The following GLIS3 variants were observed in gnomAD, a reference collection of about 807,000 sequenced individuals.
GLIS3 encodes the protein zinc finger protein GLIS3.
In GLIS3, 53 loss-of-function variants were observed where a neutral mutation model predicts 78.6. That is an observed-to-expected ratio of 0.67 (90% CI 0.54 to 0.85). GLIS3 has a LOEUF of 0.85. Among genes scored for constraint, GLIS3 ranks in the 40% least tolerant of loss-of-function variants. GLIS3 has a pLI of 0.00. For missense variants in GLIS3, 1,703 were observed against 1,231.1 expected (o/e 1.38, Z -5.74); for synonymous variants, 684 against 509.9 (o/e 1.34, Z -4.60).
intron 4 of GLIS3, among the ~76,000 whole-genome samples, chr9:3,965,188 C>CTTT (rs750454441): frequency 0.14 from 13,007 of 93,286 alleles, 1,575 homozygotes; most frequent in Non-Finnish European, 0.17. Flanking sequence ...TCTTTCTTTT[C>CTTT]TTTTCTTTTT....
At chr9:4,255,241 G>GAA (rs1824811029) in intron 2 of GLIS3, among the ~76,000 whole-genome samples, 1 of 152,180 alleles carries the variant, frequency 6.6e-6, no homozygotes, top group Non-Finnish European at 1.5e-5. Flanking sequence ...GGAGCAACAG[G>GAA]AACTCTCATT....
intron 4 of GLIS3, among the ~76,000 whole-genome samples, chr9:4,062,303 G>T (rs1490092120): frequency 6.6e-6 from 1 of 152,188 alleles, no homozygotes; most frequent in Non-Finnish European, 1.5e-5. Context: ...CCGACTGTCA[G>T]TTTCCCATAT....
the GLIS3 span, among the ~76,000 whole-genome samples, chr9:4,448,879 C>T: frequency 2.0e-5 from 3 of 152,190 alleles, no homozygotes; most frequent in Non-Finnish European, 2.9e-5. Flanking sequence ...GGAATAGCTC[C>T]AGTCTGCAGC....
At chr9:3,982,098 G>A (rs574265175) in intron 4 of GLIS3, among the ~76,000 whole-genome samples, 78 of 151,996 alleles carry the variant, frequency 5.1e-4, no homozygotes, top group African/African-American at 1.8e-3. Flanking sequence ...TTTCCACATA[G>A]TGCTATTGTA....
chr9:4,029,880 C>T (rs670007), intron 4 of GLIS3, among the ~76,000 whole-genome samples: 33,371 of 152,104 alleles, frequency 0.22, 5,104 homozygotes, highest in African/African-American at 0.44. Flanking sequence ...ATCTTAGCTA[C>T]TGTAAACAGT....
chr9:4,385,915 C>T, the GLIS3 span, among the ~76,000 whole-genome samples: 1 of 152,166 alleles, frequency 6.6e-6, no homozygotes, highest in African/African-American at 2.4e-5. Flanking sequence ...ATCTCCTGTA[C>T]CACTTACCAT....
chr9:4,094,747 G>C (rs1197886863), intron 4 of GLIS3, among the ~76,000 whole-genome samples: 2 of 152,080 alleles, frequency 1.3e-5, no homozygotes, highest in Non-Finnish European at 2.9e-5. Flanking sequence ...AAAATTAGGA[G>C]GTCTTAAAAT....
chr9:4,489,987 G>A, the GLIS3 span, among the ~76,000 whole-genome samples: 1 of 152,300 alleles, frequency 6.6e-6, no homozygotes, highest in African/African-American at 2.4e-5. Context: ...TCAGGCTTTC[G>A]CGGCTGCTGG....
chr9:4,138,280 T>A (rs752990431), intron 2 of GLIS3, among the ~76,000 whole-genome samples: 1 of 152,198 alleles, frequency 6.6e-6, no homozygotes, highest in Non-Finnish European at 1.5e-5. Flanking sequence ...TGCCTCAGTT[T>A]CCCAAAGACA....
At chr9:3,904,539 T>C (rs1440166449) in intron 6 of GLIS3, among the ~76,000 whole-genome samples, 1 of 152,178 alleles carries the variant, frequency 6.6e-6, no homozygotes, top group Non-Finnish European at 1.5e-5. Context: ...CCCTGACTGA[T>C]ACAGATACTA....
chr9:3,824,218 C>T lies in GLIS3; in HGVS notation c.*4054G>A, dbSNP rs1237554208. 1 of 152,572 alleles carries T rather than the reference C, an allele frequency of 6.6e-6. No homozygotes were observed. Among genetic ancestry groups the T allele is most frequent in the Non-Finnish European group, 1.5e-5 (1 of 68,018 alleles). 9.5% of individuals were successfully genotyped at this position (152,572 alleles called of 1,614,324 possible). ...CCAACATGTAAAGGACTCAGGGAGA[C>T]ATTCATTTTTACTGCCATTTCCTCC... On this transcript the variant is annotated 3_prime_UTR_variant, in exon 11 of 11. Coordinates refer to ENST00000381971, the MANE Select transcript of GLIS3 (RefSeq NM_001042413.2).
the GLIS3 span, among the ~76,000 whole-genome samples, chr9:4,413,822 A>G: frequency 6.6e-6 from 1 of 152,174 alleles, no homozygotes; most frequent in Admixed American, 6.5e-5. Flanking sequence ...CATTTTTCAA[A>G]TTATTAACTA....
chr9:4,009,181 G>A (rs191597626), intron 4 of GLIS3, among the ~76,000 whole-genome samples: 16 of 152,314 alleles, frequency 1.1e-4, no homozygotes, highest in Admixed American at 6.5e-5. Flanking sequence ...TGAACGCCAT[G>A]TGCAAGAGAA....
the GLIS3 span, among the ~76,000 whole-genome samples, chr9:4,382,663 C>T: frequency 6.6e-6 from 1 of 152,180 alleles, no homozygotes; most frequent in African/African-American, 2.4e-5. Flanking sequence ...TTCTCCTTGT[C>T]CTAACCTCCT....
chr9:4,124,083 G>A (rs1832387478), intron 3 of GLIS3, among the ~76,000 whole-genome samples: 3 of 151,894 alleles, frequency 2.0e-5, no homozygotes, highest in African/African-American at 7.3e-5. Flanking sequence ...CTCCATTGAT[G>A]AAATACACAA....
the GLIS3 span, among the ~76,000 whole-genome samples, chr9:4,488,741 C>A: frequency 6.6e-6 from 1 of 152,178 alleles, no homozygotes; most frequent in East Asian, 1.9e-4. Context: ...TGGTCTCGAA[C>A]TCTTGACCTC....
chr9:4,137,126 G>C (rs531526265), intron 2 of GLIS3, among the ~76,000 whole-genome samples: 24 of 152,272 alleles, frequency 1.6e-4, no homozygotes, highest in Non-Finnish European at 2.8e-4. Flanking sequence ...GAAAGCAATG[G>C]TTATGAAGCA....
At chr9:3,932,860 G>T (rs1192997127) in intron 5 of GLIS3, 2 of 393,180 alleles carry the variant, frequency 5.1e-6, no homozygotes, top group East Asian at 1.4e-4. Context: ...TTCTTTAAGG[G>T]TTCAGGTAAA....
At chr9:4,173,290 C>T (rs10123644) in intron 2 of GLIS3, among the ~76,000 whole-genome samples, 20,822 of 152,068 alleles carry the variant, frequency 0.14, 1,807 homozygotes, top group African/African-American at 0.24. Context: ...GGCTTTAATG[C>T]CTTCGAGCTC....
Sources: gnomAD v4.1 joint callset for allele counts (sites outside exome capture counted in the v4.1 genomes callset) on GRCh38, gnomAD v4.1.1 for gene constraint, MANE v1.5 for transcripts, NCBI Gene and HGNC (gene_info 2026-07-23, HGNC 2026-07-21) for gene names.